DCHS1: variants seen among roughly 807,000 people sequenced by gnomAD.
DCHS1 encodes dachsous cadherin-related 1.
DCHS1 carries 78 observed loss-of-function variants against 213.9 expected under a neutral mutation model. The ratio of observed to expected loss-of-function variants is 0.36; its 90% CI spans 0.30 to 0.44. DCHS1 has a LOEUF of 0.44. DCHS1 is among the 20% of genes least tolerant of loss of function. The pLI, the probability that DCHS1 is intolerant of heterozygous loss-of-function variation, is 1.00. For synonymous variants in DCHS1, 1,828 were observed against 1,873.7 expected (o/e 0.98, Z 0.63); for missense variants, 3,946 against 4,395.9 (o/e 0.90, Z 2.89).
Position 6,631,043 on chromosome 11 carries a change from G to A in DCHS1, c.3930+10C>T. ...ACAGCGGTAGCCAAGGGGAGGAAGGGCAGCCATACCTGCACCAGCAGCTGG... is the reference window on the plus strand; with the variant it reads ...ACAGCGGTAGCCAAGGGGAGGAAGGACAGCCATACCTGCACCAGCAGCTGG... On this transcript the variant is annotated intron_variant, in intron 9 of 20. Coordinates refer to ENST00000299441, the MANE Select transcript of DCHS1 (RefSeq NM_003737.4). 1 of 1,592,822 alleles carries A rather than the reference G, an allele frequency of 6.3e-7. No homozygotes were observed. The highest frequency in any genetic ancestry group is 8.6e-7 in the Non-Finnish European group (1 of 1,169,386).
At position 6,624,030 on chromosome 11, in the gene DCHS1, CG is replaced by C; in HGVS notation, c.7645del (p.Arg2549GlyfsTer12). On this transcript the variant is annotated frameshift_variant, in exon 21 of 21. Coordinates refer to ENST00000299441, the MANE Select transcript of DCHS1 (RefSeq NM_003737.4). LOFTEE classifies it high-confidence loss of function. ...EAGESAGPGP[R>X]ALGCLVLLEP... ...AAGCAACACCAGGCAGCCCAGTGCC[CG>C]GGGGCCTGGTCCAGCACTCTCCCCA... 6.2e-7 allele frequency: 1 copy of C among 1,613,534 alleles called. No homozygotes were observed. Among genetic ancestry groups the C allele is most frequent in the Non-Finnish European group, 8.5e-7 (1 of 1,179,838 alleles).
At chr11:6,652,334 C>G (rs1856256122) in intron 1 of DCHS1, among the ~76,000 whole-genome samples, 1 of 152,200 alleles carries the variant, frequency 6.6e-6, no homozygotes, top group African/African-American at 2.4e-5. Flanking sequence ...ATGTTACTTT[C>G]TCCTAGGGAA....
chr11:6,625,555 C>T lies in DCHS1; in HGVS notation c.6862+42G>A, dbSNP rs770397634. 2.5e-6 allele frequency: 4 copies of T among 1,612,314 alleles called. No individual in the cohort carries two copies. The Admixed American group carries it at 5.0e-5, about 20-fold the overall frequency. The stretch of plus-strand genomic sequence containing the variant: ...TGAGCTGCAGGGTGGAGAAAAATGT[C>T]TCTCTGCCACCCTTTATGCCACCCA... On this transcript the variant is annotated intron_variant, in intron 18 of 20. Transcript: ENST00000299441. The surrounding 1 kb of genome is among the most constrained non-coding windows in gnomAD (Gnocchi z 5.3).
rs1271765789 is a variant in DCHS1, at chr11:6,627,306, C to T, written c.5733G>A (p.Leu1911=). The T allele has an allele frequency of 3.1e-6, 5 of 1,611,932 alleles. No homozygotes were observed. Among genetic ancestry groups the T allele is most frequent in the Non-Finnish European group, 4.2e-6 (5 of 1,179,130 alleles). ...AFLLEPSSGE[L]RTAAALDREQ... ...CTCTGTCCAAGGCTGCAGCTGTGCG[C>T]AGTTCTCCAGAGCTGGGCTCCAGCA... Residue 1911 remains leucine (L), a synonymous_variant, in exon 14 of 21, where the codon CTG becomes CTA. Transcript: ENST00000299441. This position sits in a 1 kb window ranked among gnomAD's most constrained non-coding sequence, Gnocchi z 5.4.
intron 1 of DCHS1, among the ~76,000 whole-genome samples, chr11:6,651,917 T>C (rs1418533834): frequency 6.6e-6 from 1 of 152,208 alleles, no homozygotes; most frequent in East Asian, 1.9e-4. Context: ...ATGCAGCAGG[T>C]ATGCAGAAAT....
At position 6,621,644 on chromosome 11, in the gene DCHS1, G is replaced by T; in HGVS notation, c.*135C>A. ...TACTCTGAGGGGGCTGGGGAGTTCA[G>T]GGTGGAGAGCTGGGGCCTGGTGGTG... On this transcript the variant is annotated 3_prime_UTR_variant, in exon 21 of 21. Coordinates refer to ENST00000299441, the MANE Select transcript of DCHS1 (RefSeq NM_003737.4). 1 of 1,019,134 alleles carries T rather than the reference G, an allele frequency of 9.8e-7. No individual in the cohort carries two copies. Among genetic ancestry groups the T allele is most frequent in the Non-Finnish European group, 1.5e-6 (1 of 675,250 alleles). 63.1% of individuals were successfully genotyped at this position (1,019,134 alleles called of 1,614,324 possible). A position where few individuals can be genotyped will look rare whatever the true frequency, so the allele number is the denominator to read the frequency against.
Position 6,625,076 on chromosome 11 carries a change from G to T in DCHS1, c.7146+122C>A, listed in dbSNP as rs1442939670. 12 of 1,431,330 alleles carry T rather than the reference G, an allele frequency of 8.4e-6. No individual in the cohort carries two copies. In the East Asian group the frequency reaches 2.6e-4, roughly 31 times the overall value. The allele number at this position is 1,431,330 out of a possible 1,614,324, so 88.7% of individuals were successfully genotyped here. On this transcript the variant is annotated intron_variant, in intron 19 of 20. Coordinates refer to ENST00000299441, the MANE Select transcript of DCHS1 (RefSeq NM_003737.4). This position sits in a 1 kb window ranked among gnomAD's most constrained non-coding sequence, Gnocchi z 5.3. ...CCAGGATGTAGTTCACAGGACTTGG[G>T]ACCTTCCCATTCCCAGATCAGCTCC... is the stretch of plus-strand genomic sequence containing the variant.
chr11:6,622,786 G>C lies in DCHS1; in HGVS notation c.8890C>G (p.Arg2964Gly). The C allele has an allele frequency of 6.3e-7, 1 of 1,593,136 alleles. No individual in the cohort carries two copies. The highest frequency in any genetic ancestry group is 8.5e-7 in the Non-Finnish European group (1 of 1,170,126). ...AALVLGLVRA[R>G]SRKAEAAPGP... ...GGGGCTGCCTCAGCCTTGCGGCTAC[G>C]GGCCCGAACAAGTCCTAGGACCAGG... The change falls in exon 21 of 21, where the codon CGT becomes GGT. Residue 2964 changes from arginine to glycine, a missense_variant. By Grantham distance (125) the Arg-to-Gly change is moderately radical. Transcript: ENST00000299441. The surrounding 1 kb of genome is among the most constrained non-coding windows in gnomAD (Gnocchi z 5.4).
In DCHS1 at chr11:6,627,183, A is replaced by G. The variant is rs185526593; in HGVS notation, c.5856T>C (p.Asp1952=). 8.9e-4 allele frequency: 1,428 copies of G among 1,612,868 alleles called. 13 individuals carry two copies. The Admixed American group carries it at 0.012, about 14-fold the overall frequency. ...TTVSVTITVR[D]VNDHAPTFPT... ...GGAAGGTGGGTGCATGGTCATTGAC[A>G]TCGCGCACCGTGATGGTGACAGACA... Residue 1952 remains aspartate, a synonymous_variant, in exon 14 of 21, where the codon GAT becomes GAC. Transcript: ENST00000299441. The surrounding 1 kb of genome is among the most constrained non-coding windows in gnomAD (Gnocchi z 5.4).
At position 6,640,814 on chromosome 11, in the gene DCHS1, C is replaced by T. The variant is rs766255028; in HGVS notation, c.800G>A (p.Ser267Asn). The change falls in exon 2 of 21, where the codon AGC (serine) becomes AAC (asparagine). Residue 267 changes from serine (S) to asparagine (N), a missense_variant. Coordinates refer to ENST00000299441, the MANE Select transcript of DCHS1 (RefSeq NM_003737.4). This position sits in a 1 kb window ranked among gnomAD's most constrained non-coding sequence, Gnocchi z 6.5. ...QSRYHAVVSE[S>N]LAPGSPVLQV... ...CAAGACAGGACTGCCAGGGGCCAGG[C>T]TCTCAGACACCACAGCATGGTAGCG... 92 of 1,613,946 alleles carry T rather than the reference C, an allele frequency of 5.7e-5. No individual in the cohort carries two copies. Among genetic ancestry groups the T allele is most frequent in the Non-Finnish European group, 7.4e-5 (87 of 1,179,912 alleles).
chr11:6,639,194 C>T (rs781085969), intron 2 of DCHS1, among the ~76,000 whole-genome samples: 1 of 152,142 alleles, frequency 6.6e-6, no homozygotes, highest in Non-Finnish European at 1.5e-5. Flanking sequence ...CTTCTGCAAC[C>T]TGGCCTCAGA....
chr11:6,649,436 G>C (rs145170817), intron 1 of DCHS1, among the ~76,000 whole-genome samples: 1 of 151,780 alleles, frequency 6.6e-6, no homozygotes, highest in Admixed American at 6.6e-5. Flanking sequence ...GTCCAGGTGA[G>C]CATGGGGGCA....
rs751909492 is a variant in DCHS1, at chr11:6,630,097, T to A, written c.4697A>T (p.His1566Leu). 10 of 1,601,816 alleles carry A rather than the reference T, an allele frequency of 6.2e-6. No individual in the cohort carries two copies. Among genetic ancestry groups the A allele is most frequent in the Non-Finnish European group, 8.5e-6 (10 of 1,172,550 alleles). The change falls in exon 10 of 21, where the codon CAC becomes CTC. Residue 1566 changes from histidine (H) to leucine (L), a missense_variant. Transcript: ENST00000299441. ...CAGATCCGGGTCCCGGGCTACCACGTGCAGGGCCGCGGGCCCAGGCGGCTG... is the reference window on the plus strand; with the variant it reads ...CAGATCCGGGTCCCGGGCTACCACGAGCAGGGCCGCGGGCCCAGGCGGCTG... The part of the protein sequence containing the change: ...EDQPPGPAAL[H>L]VVARDPDLGE...
chr11:6,630,681 G>A lies in DCHS1; in HGVS notation c.4113C>T (p.Gly1371=). 6.5e-7 allele frequency: 1 copy of A among 1,536,886 alleles called. No homozygotes were observed. The highest frequency in any genetic ancestry group is 8.8e-7 in the Non-Finnish European group (1 of 1,142,816). Residue 1371 remains glycine (G), a synonymous_variant, in exon 10 of 21, where the codon GGC becomes GGT. Coordinates refer to ENST00000299441, the MANE Select transcript of DCHS1 (RefSeq NM_003737.4). ...CGAAGGTGCCCTCGGGATCGGCACC[G>A]CCCACCAGTGTGTAGGTGAGTGCAC... is the stretch of plus-strand genomic sequence containing the variant. The part of the protein sequence containing the change: ...GVGALTYTLV[G]GADPEGTFAL...
chr11:6,651,454 C>G (rs1856241340), intron 1 of DCHS1, among the ~76,000 whole-genome samples: 1 of 152,158 alleles, frequency 6.6e-6, no homozygotes, highest in African/African-American at 2.4e-5. Context: ...ACTATGATCT[C>G]ATAACCTTTG....
intron 1 of DCHS1, among the ~76,000 whole-genome samples, chr11:6,649,988 A>G (rs543082712): frequency 3.7e-4 from 57 of 152,304 alleles, no homozygotes; most frequent in African/African-American, 1.3e-3. Context: ...TCCCCAAAAC[A>G]ACTCTCTTAA....
In DCHS1 at chr11:6,627,900, A is replaced by T. The variant is rs914867315; in HGVS notation, c.5372-233T>A. Among the ~76,000 whole-genome samples, 3 of 152,202 alleles carry T rather than the reference A, an allele frequency of 2.0e-5. No individual in the cohort carries two copies. The highest frequency in any genetic ancestry group is 7.2e-5 in the African/African-American group (3 of 41,438). ...GTCCTTTTCATGTGCATAAGATCAA[A>T]ATTATTTCATAGCACTACTAAGCCA... On this transcript the variant is annotated intron_variant, in intron 13 of 20. Coordinates refer to ENST00000299441, the MANE Select transcript of DCHS1 (RefSeq NM_003737.4). This position sits in a 1 kb window ranked among gnomAD's most constrained non-coding sequence, Gnocchi z 5.4.
Position 6,627,496 on chromosome 11 carries a change from G to C in DCHS1, c.5543C>G (p.Ala1848Gly), listed in dbSNP as rs145373149. Residue 1848 changes from alanine to glycine, a missense_variant, in exon 14 of 21, where the codon GCC (alanine) becomes GGC (glycine). Physicochemically the swap from Ala to Gly is moderately conservative, Grantham distance 60. Transcript: ENST00000299441. This position sits in a 1 kb window ranked among gnomAD's most constrained non-coding sequence, Gnocchi z 5.4. ...TLLLTVTVLD[A>G]NDHAPAFPVP... ...AGGAAAGGCTGGAGCATGGTCATTG[G>C]CATCCAGCACTGTCACTGTCAAAAG... 5.5e-5 allele frequency: 89 copies of C among 1,611,714 alleles called. No homozygotes were observed. In the African/African-American group the frequency reaches 1.0e-3, roughly 19 times the overall value.
At position 6,628,733 on chromosome 11, in the gene DCHS1, A is replaced by T. The variant is rs778345008; in HGVS notation, c.5259T>A (p.Ser1753Arg). ...CAGGCACCTCCAGAGAGAGATGGGC[A>T]CTCCCAAAGGTTGGTGCATGGTCAT... is the stretch of plus-strand genomic sequence containing the variant. The part of the protein sequence containing the change: ...DENDHAPTFG[S>R]AHLSLEVPEG... The change falls in exon 13 of 21, where the codon AGT (serine) becomes AGA (arginine). Residue 1753 changes from serine to arginine, a missense_variant. Physicochemically the swap from Ser to Arg is moderately radical, Grantham distance 110. Around this residue, in one of 3 missense-constraint regions of DCHS1, gnomAD observed 3,384 missense variants for 3,780.1 expected, o/e 0.90. Coordinates refer to ENST00000299441, the MANE Select transcript of DCHS1 (RefSeq NM_003737.4). This position sits in a 1 kb window ranked among gnomAD's most constrained non-coding sequence, Gnocchi z 4.3. 2 of 1,613,976 alleles carry T rather than the reference A, an allele frequency of 1.2e-6. No individual in the cohort carries two copies. The highest frequency in any genetic ancestry group is 1.7e-6 in the Non-Finnish European group (2 of 1,179,890).
Sources: allele counts gnomAD v4.1 joint callset (sites outside exome capture counted in the v4.1 genomes callset), GRCh38; gene constraint gnomAD v4.1.1; regional missense constraint gnomAD v4.1.1; non-coding constraint Gnocchi (gnomAD v3.1); transcripts MANE v1.5; gene names NCBI Gene and HGNC (gene_info 2026-07-23, HGNC 2026-07-21).